The following MAD1L1 variants were observed in gnomAD, a reference collection of about 807,000 sequenced individuals.
The protein encoded by MAD1L1 is mitotic spindle assembly checkpoint protein MAD1.
A neutral mutation model predicts 96.9 loss-of-function variants in MAD1L1; 95 were observed. The ratio of observed to expected loss-of-function variants is 0.98; its 90% CI spans 0.83 to 1.16. The LOEUF (loss-of-function observed/expected upper bound fraction) is 1.16. Ranked by LOEUF, MAD1L1 falls within the 50% of genes most tolerant of loss-of-function variation. MAD1L1 has a pLI of 0.00. For synonymous variants in MAD1L1, 473 were observed against 396.6 expected, an observed-to-expected ratio of 1.19 and a Z score of -2.29; for missense variants, 1,007 against 954.4, an observed-to-expected ratio of 1.06 and a Z score of -0.73.
chr7:2,202,096 C>G (rs1792340149), intron 10 of MAD1L1: 1 of 152,724 alleles, frequency 6.5e-6, no homozygotes, highest in Non-Finnish European at 1.5e-5. Flanking sequence ...ACATCACCAC[C>G]AACTGCAAGG....
chr7:2,069,416 C>T (rs914163365), intron 11 of MAD1L1, 78 bp from the exon 12 acceptor site: 4 of 1,385,000 alleles, frequency 2.9e-6, no homozygotes, highest in Admixed American at 2.8e-5. Context: ...ACCCCAGGAA[C>T]GAGCCCACCA....
At chr7:2,162,720 A>C (rs1365421015) in intron 10 of MAD1L1, among the ~76,000 whole-genome samples, 2 of 151,652 alleles carry the variant, frequency 1.3e-5, no homozygotes, top group Non-Finnish European at 1.5e-5. Flanking sequence ...AAAAAAAAAA[A>C]AAAAAACGTA....
At chr7:2,158,404 T>C (rs1335832183) in intron 10 of MAD1L1, among the ~76,000 whole-genome samples, 1 of 152,068 alleles carries the variant, frequency 6.6e-6, no homozygotes, top group Non-Finnish European at 1.5e-5. Flanking sequence ...TCAAACTAAT[T>C]AGCAAACAAG....
chr7:2,129,784 G>C (rs548183275), intron 11 of MAD1L1, among the ~76,000 whole-genome samples: 1 of 152,172 alleles, frequency 6.6e-6, no homozygotes, highest in Non-Finnish European at 1.5e-5. Flanking sequence ...CCCCAGGCTC[G>C]AGCCAACGGC....
intron 18 of MAD1L1, among the ~76,000 whole-genome samples, chr7:1,887,693 C>T (rs185276222): frequency 2.2e-5 from 3 of 139,246 alleles, no homozygotes; most frequent in East Asian, 2.2e-4. Context: ...ATGTGGGTGG[C>T]TGTGCATGCA....
At chr7:1,906,746 G>C (rs1482209921) in intron 17 of MAD1L1, among the ~76,000 whole-genome samples, 3 of 152,218 alleles carry the variant, frequency 2.0e-5, no homozygotes, top group Non-Finnish European at 4.4e-5. Context: ...GTGCGCGACG[G>C]GTGCGTGTTG....
intron 10 of MAD1L1, among the ~76,000 whole-genome samples, chr7:2,203,492 T>C (rs969097991): frequency 6.6e-6 from 1 of 152,222 alleles, no homozygotes; most frequent in Non-Finnish European, 1.5e-5. Flanking sequence ...ACATCTCTTT[T>C]GAACTAAAAA....
chr7:1,948,596 G>T (rs1223351761), intron 16 of MAD1L1, among the ~76,000 whole-genome samples: 1 of 152,192 alleles, frequency 6.6e-6, no homozygotes, highest in East Asian at 1.9e-4. Context: ...GAGCTGGGAG[G>T]GGTCATGCCT....
chr7:2,073,312 G>A (rs749562843), intron 11 of MAD1L1, among the ~76,000 whole-genome samples: 1 of 152,216 alleles, frequency 6.6e-6, no homozygotes, highest in African/African-American at 2.4e-5. Context: ...GGGAAGTGTG[G>A]AAACAGCTAA....
chr7:1,962,197 G>A (rs1779983465), intron 15 of MAD1L1, among the ~76,000 whole-genome samples: 1 of 152,238 alleles, frequency 6.6e-6, no homozygotes. Context: ...CCATTCTCGT[G>A]GTCGTGAATA....
At position 1,980,767 on chromosome 7, in the gene MAD1L1, G is replaced by C. The variant is rs1233820745; in HGVS notation, c.1417-226C>G. ...TTTTGTCACTTCCATCTCCTGAATA[G>C]CAACAGATGCACAGGCTCACGGTGA... On this transcript the variant is annotated intron_variant, in intron 14 of 18. Transcript: ENST00000265854. 38 of 645,876 alleles carry C rather than the reference G, an allele frequency of 5.9e-5. No individual in the cohort carries two copies. In the East Asian group the frequency reaches 9.0e-4, roughly 15 times the overall value. The allele number at this position is 645,876 out of a possible 1,614,324, so 40.0% of individuals were successfully genotyped here.
At chr7:2,022,344 T>C (rs1584107723) in intron 12 of MAD1L1, among the ~76,000 whole-genome samples, 1 of 152,320 alleles carries the variant, frequency 6.6e-6, no homozygotes, top group East Asian at 1.9e-4. Flanking sequence ...CTGCAAACTC[T>C]AGGATAATTC....
At chr7:2,204,993 G>T (rs114113512) in intron 10 of MAD1L1, among the ~76,000 whole-genome samples, 2 of 151,684 alleles carry the variant, frequency 1.3e-5, no homozygotes, top group Non-Finnish European at 2.9e-5. Context: ...GTATCTCACT[G>T]CAGTCTTGAA....
At chr7:2,007,983 G>T (rs985818278) in intron 13 of MAD1L1, among the ~76,000 whole-genome samples, 1 of 152,230 alleles carries the variant, frequency 6.6e-6, no homozygotes, top group African/African-American at 2.4e-5. Flanking sequence ...GCAGGACTCT[G>T]TTTACGTGAA....
intron 18 of MAD1L1, among the ~76,000 whole-genome samples, chr7:1,853,834 C>T (rs1008119601): frequency 6.6e-6 from 1 of 152,066 alleles, no homozygotes; most frequent in East Asian, 1.9e-4. Flanking sequence ...CCTGGGTGGC[C>T]GAGCAGGGGA....
chr7:1,943,405 C>T (rs1779089158), intron 16 of MAD1L1, among the ~76,000 whole-genome samples: 1 of 152,168 alleles, frequency 6.6e-6, no homozygotes, highest in Non-Finnish European at 1.5e-5. Flanking sequence ...CAGCAAACGA[C>T]CCAGTGTCAC....
At position 2,014,557 on chromosome 7, in the gene MAD1L1, A is replaced by G. The variant is rs1392634024; in HGVS notation, c.1304T>C (p.Met435Thr). The G allele has an allele frequency of 6.2e-7, 1 of 1,611,216 alleles. No individual in the cohort carries two copies. The highest frequency in any genetic ancestry group is 1.3e-5 in the African/African-American group (1 of 75,022). ...CTGCACCATATCCTCAGCCTCCCGC[A>G]TGCGCCGCGTCAGCTGGGGTGAGTA... The part of the protein sequence containing the change: ...AEYSPQLTRR[M>T]REAEDMVQKV... Residue 435 changes from methionine (M) to threonine (T), a missense_variant, in exon 13 of 19, where the codon ATG (methionine) becomes ACG (threonine). By Grantham distance (81) the Met-to-Thr change is moderately conservative (BLOSUM62 -1). Transcript: ENST00000265854.
At chr7:1,868,285 GA>G (rs896992236) in intron 18 of MAD1L1, among the ~76,000 whole-genome samples, 7 of 152,318 alleles carry the variant, frequency 4.6e-5, no homozygotes, top group African/African-American at 1.4e-4. Flanking sequence ...GATTTTTAAG[GA>G]ATTGGCTCTG....
At chr7:2,147,663 C>T (rs1789376521) in intron 11 of MAD1L1, among the ~76,000 whole-genome samples, 1 of 152,242 alleles carries the variant, frequency 6.6e-6, no homozygotes, top group Admixed American at 6.5e-5. Flanking sequence ...TCAGAGGGAG[C>T]CCACAGGTCC....
Sources: allele counts gnomAD v4.1 joint callset (sites outside exome capture counted in the v4.1 genomes callset), GRCh38; gene constraint gnomAD v4.1.1; transcripts MANE v1.5; gene names NCBI Gene and HGNC (gene_info 2026-07-23, HGNC 2026-07-21).